The following DLGAP1 variants were observed in gnomAD, a reference collection of about 807,000 sequenced individuals.
DLGAP1 encodes disks large-associated protein 1.
A neutral mutation model predicts 90.8 loss-of-function variants in DLGAP1; 11 were observed. That is an observed-to-expected ratio of 0.12 (90% CI 0.08 to 0.20). The LOEUF is 0.20. DLGAP1 is among the 10% of genes least tolerant of loss of function. The pLI, the probability that DLGAP1 is intolerant of heterozygous loss-of-function variation, is 1.00. For missense variants in DLGAP1, 1,050 were observed against 1,333.8 expected, an observed-to-expected ratio of 0.79 and a Z score of 3.31; for synonymous variants, 558 against 540.7, an observed-to-expected ratio of 1.03 and a Z score of -0.44.
intron 3 of DLGAP1, among the ~76,000 whole-genome samples, chr18:3,887,652 A>G (rs1018639659): frequency 1.3e-5 from 2 of 152,178 alleles, no homozygotes; most frequent in Admixed American, 6.5e-5. Flanking sequence ...TTTTTTAGAC[A>G]GAACAAAATT....
chr18:4,218,680 C>G (rs892426875), intron 1 of DLGAP1, among the ~76,000 whole-genome samples: 1 of 151,884 alleles, frequency 6.6e-6, no homozygotes, highest in African/African-American at 2.4e-5. Context: ...ATGAATTCAA[C>G]TTTTTAAGAT....
chr18:3,922,187 C>T (rs2072282774), intron 3 of DLGAP1, among the ~76,000 whole-genome samples: 1 of 152,152 alleles, frequency 6.6e-6, no homozygotes, highest in Admixed American at 6.5e-5. Flanking sequence ...GTTCCTTTAT[C>T]TGAGCAGTTT....
intron 5 of DLGAP1, among the ~76,000 whole-genome samples, chr18:3,767,792 T>C (rs992741687): frequency 1.3e-5 from 2 of 152,046 alleles, no homozygotes; most frequent in African/African-American, 4.8e-5. Flanking sequence ...AAGGAACATC[T>C]AAAAAGATCT....
At chr18:4,412,559 G>C (rs2082802606) in intron 1 of DLGAP1, among the ~76,000 whole-genome samples, 1 of 152,112 alleles carries the variant, frequency 6.6e-6, no homozygotes, top group South Asian at 2.1e-4. Flanking sequence ...TGAGAGGATG[G>C]GTTCAGGGTC....
At chr18:4,419,376 A>T (rs1290868394) in intron 1 of DLGAP1, among the ~76,000 whole-genome samples, 1 of 152,154 alleles carries the variant, frequency 6.6e-6, no homozygotes, top group Non-Finnish European at 1.5e-5. Flanking sequence ...AACAAAGAAA[A>T]ACTGAAATAA....
intron 9 of DLGAP1, among the ~76,000 whole-genome samples, chr18:3,549,766 G>A (rs963675147): frequency 1.4e-4 from 22 of 152,130 alleles, no homozygotes; most frequent in African/African-American, 5.1e-4. Flanking sequence ...TTATGACCAG[G>A]AAATATCATT....
chr18:3,799,150 G>A (rs1258985264), intron 5 of DLGAP1, among the ~76,000 whole-genome samples: 4 of 152,130 alleles, frequency 2.6e-5, no homozygotes, highest in East Asian at 1.9e-4. Flanking sequence ...GATTACAGGC[G>A]TGAGCCACTG....
chr18:4,078,584 A>G (rs2075558498), intron 2 of DLGAP1, among the ~76,000 whole-genome samples: 1 of 152,192 alleles, frequency 6.6e-6, no homozygotes, highest in Non-Finnish European at 1.5e-5. Flanking sequence ...CAAAACCTCC[A>G]TTGTTTAGAT....
chr18:3,540,789 C>T (rs2144618502), intron 9 of DLGAP1, among the ~76,000 whole-genome samples: 1 of 152,244 alleles, frequency 6.6e-6, no homozygotes, highest in Middle Eastern at 3.4e-3. Context: ...ATAGGATAGG[C>T]TTTCTATAAA....
intron 3 of DLGAP1, among the ~76,000 whole-genome samples, chr18:3,917,475 C>G (rs1184889763): frequency 6.6e-6 from 1 of 152,122 alleles, no homozygotes; most frequent in African/African-American, 2.4e-5. Context: ...CCTATGTGTT[C>G]TCATTTCTGG....
intron 7 of DLGAP1, among the ~76,000 whole-genome samples, chr18:3,590,159 C>T (rs1249301906): frequency 1.3e-5 from 2 of 152,164 alleles, no homozygotes; most frequent in African/African-American, 2.4e-5. Flanking sequence ...ATCCAGCTCC[C>T]TTAGCCTCCC....
chr18:3,837,517 T>C (rs1373275623), intron 4 of DLGAP1, among the ~76,000 whole-genome samples: 1 of 152,110 alleles, frequency 6.6e-6, no homozygotes, highest in African/African-American at 2.4e-5. Flanking sequence ...TAATTGATAA[T>C]TTCACTTTGA....
intron 3 of DLGAP1, among the ~76,000 whole-genome samples, chr18:3,941,112 C>T (rs1279672755): frequency 2.0e-5 from 3 of 152,138 alleles, no homozygotes; most frequent in African/African-American, 7.2e-5. Flanking sequence ...GTTTGCCATA[C>T]TACTTTAAAT....
rs573634410 is a variant in DLGAP1, at chr18:4,416,088, G to A, written c.-267+38918C>T. Among the ~76,000 whole-genome samples, 62 of 149,018 alleles carry A rather than the reference G, an allele frequency of 4.2e-4. 1 individual carries two copies. The highest frequency in any genetic ancestry group is 1.5e-3 in the African/African-American group (60 of 39,958). ...GCACTAGTATCTTGGCAAGCATTCT[G>A]GCTAGAATATATTGTATGCTTCAGA... On this transcript the variant is annotated intron_variant, in intron 1 of 12. Transcript: ENST00000315677.
intron 7 of DLGAP1, among the ~76,000 whole-genome samples, chr18:3,707,816 C>T (rs1484362528): frequency 1.3e-5 from 2 of 152,038 alleles, no homozygotes; most frequent in Admixed American, 1.3e-4. Context: ...TCACATTAAA[C>T]GGGCACAGGA....
Position 4,264,184 on chromosome 18 carries a change from T to C in DLGAP1, c.-266-112897A>G, listed in dbSNP as rs189706176. Among the ~76,000 whole-genome samples, 186 of 152,324 alleles carry C rather than the reference T, an allele frequency of 1.2e-3. 1 individual carries two copies. The highest frequency in any genetic ancestry group is 2.1e-3 in the Non-Finnish European group (146 of 68,026). On this transcript the variant is annotated intron_variant, in intron 1 of 12. Transcript: ENST00000315677. Reference sequence around the variant, plus strand: ...AGATTTCTTGGAGCCACAGAAATCCTTGTATATTGAACTAAAAATAGAGAG... The same window carrying C: ...AGATTTCTTGGAGCCACAGAAATCCCTGTATATTGAACTAAAAATAGAGAG...
At chr18:4,431,932 G>A (rs1200373025) in intron 1 of DLGAP1, among the ~76,000 whole-genome samples, 1 of 152,194 alleles carries the variant, frequency 6.6e-6, no homozygotes, top group Admixed American at 6.5e-5. Context: ...ACACTGCAAT[G>A]TTTTAGAACC....
chr18:4,279,703 A>C (rs1410524392), intron 1 of DLGAP1, among the ~76,000 whole-genome samples: 1 of 152,234 alleles, frequency 6.6e-6, no homozygotes, highest in Non-Finnish European at 1.5e-5. Flanking sequence ...ACTAAAGTAA[A>C]CATTTATTGT....
chr18:3,548,265 G>A lies in DLGAP1; in HGVS notation c.2058-13650C>T, dbSNP rs563590540. Among the ~76,000 whole-genome samples the A allele has an allele frequency of 5.4e-4, 68 of 125,238 alleles. No homozygotes were observed. In the Middle Eastern group the frequency reaches 0.02, roughly 37 times the overall value. 82.2% of individuals were successfully genotyped at this position (125,238 alleles called of 152,430 possible). A position where few individuals can be genotyped will look rare whatever the true frequency, so the allele number is the denominator to read the frequency against. On this transcript the variant is annotated intron_variant, in intron 9 of 12. Coordinates refer to ENST00000315677, the MANE Select transcript of DLGAP1 (RefSeq NM_004746.4). ...TAAATTTTGTGTTATATGTATCTTAGTATAATTTTTCTAAAAAAAAATCAG... is the reference window on the plus strand; with the variant it reads ...TAAATTTTGTGTTATATGTATCTTAATATAATTTTTCTAAAAAAAAATCAG...
Sources: gnomAD v4.1 joint callset for allele counts (sites outside exome capture counted in the v4.1 genomes callset) on GRCh38, gnomAD v4.1.1 for gene constraint, MANE v1.5 for transcripts, NCBI Gene and HGNC (gene_info 2026-07-23, HGNC 2026-07-21) for gene names.